The following EFCAB8 variants were observed in gnomAD, a reference collection of about 807,000 sequenced individuals.
The protein encoded by EFCAB8 is EF-hand calcium binding domain 8.
A neutral mutation model predicts 116.3 loss-of-function variants in EFCAB8; 100 were observed. That is an observed-to-expected ratio of 0.86 (90% CI 0.73 to 1.02). The LOEUF is 1.02. EFCAB8 is among the 50% of genes least tolerant of loss of function. The pLI is 0.00. For missense variants in EFCAB8, 1,320 were observed against 1,416.9 expected (o/e 0.93, Z 1.10); for synonymous variants, 558 against 567.9 (o/e 0.98, Z 0.25).
rs1364263742 is a variant in EFCAB8 at position 32,898,646 on chromosome 20, C to T, written c.1088+23C>T. The T allele has an allele frequency of 4.2e-6, 3 of 716,936 alleles. No individual in the cohort carries two copies. In the African/African-American group the frequency reaches 5.2e-5, roughly 13 times the overall value. The allele number at this position is 716,936 out of a possible 1,614,324, so 44.4% of individuals were successfully genotyped here. ...CAGGTAAGAAGTGCTTCTCTCCTGG[C>T]TAAGGCGGTGGGGCTGGAAGGGAGG... On this transcript the variant is annotated intron_variant, in intron 11 of 26. Transcript: ENST00000400522.
At chr20:32,873,156 G>C (rs923173424) in intron 3 of EFCAB8, among the ~76,000 whole-genome samples, 5 of 152,050 alleles carry the variant, frequency 3.3e-5, no homozygotes, top group Non-Finnish European at 5.9e-5. Context: ...ACACAAAACA[G>C]TGAAAGCCAG....
At chr20:32,923,044 G>A (rs901835925) in intron 20 of EFCAB8, among the ~76,000 whole-genome samples, 2 of 152,072 alleles carry the variant, frequency 1.3e-5, no homozygotes, top group Non-Finnish European at 2.9e-5. Context: ...AATTAGCCAG[G>A]TTTGATAGTG....
intron 6 of EFCAB8, among the ~76,000 whole-genome samples, chr20:32,888,132 C>T (rs1374674285): frequency 6.6e-5 from 10 of 151,910 alleles, no homozygotes; most frequent in Admixed American, 2.6e-4. Flanking sequence ...GGTGCAATCA[C>T]GGCTCACTGC....
intron 20 of EFCAB8, among the ~76,000 whole-genome samples, chr20:32,927,430 C>T (rs930477225): frequency 1.3e-5 from 2 of 152,032 alleles, no homozygotes; most frequent in African/African-American, 4.8e-5. Context: ...CTGCAACCTC[C>T]GCCTCCCAAG....
chr20:32,887,871 A>T (rs1051136065), intron 6 of EFCAB8, among the ~76,000 whole-genome samples: 40 of 152,180 alleles, frequency 2.6e-4, no homozygotes, highest in African/African-American at 9.7e-4. Context: ...ACTTTGCAGA[A>T]CAAATTATCG....
intron 1 of EFCAB8, among the ~76,000 whole-genome samples, chr20:32,860,374 G>T (rs1445578134): frequency 6.6e-6 from 1 of 151,786 alleles, no homozygotes; most frequent in East Asian, 1.9e-4. Context: ...GTTTCCTTAT[G>T]ATTAGATTCA....
At chr20:32,884,655 G>T (rs1985517179) in intron 5 of EFCAB8, among the ~76,000 whole-genome samples, 1 of 152,202 alleles carries the variant, frequency 6.6e-6, no homozygotes, top group South Asian at 2.1e-4. Flanking sequence ...CCTGGAGGAG[G>T]GGTCACAGTG....
chr20:32,948,572 G>GAAAGAA (rs1415956055), intron 23 of EFCAB8, among the ~76,000 whole-genome samples: 2 of 139,510 alleles, frequency 1.4e-5, no homozygotes, highest in African/African-American at 5.5e-5. Flanking sequence ...AAGAAAGAAA[G>GAAAGAA]AAAGAAAGAA....
At chr20:32,862,184 G>A (rs1213966886) in intron 1 of EFCAB8, among the ~76,000 whole-genome samples, 16 of 149,944 alleles carry the variant, frequency 1.1e-4, no homozygotes, top group African/African-American at 3.9e-4. Context: ...AGGCTGGAGT[G>A]TAGTGGTATG....
At chr20:32,952,916 C>T (rs1988843701) in intron 23 of EFCAB8, among the ~76,000 whole-genome samples, 1 of 152,128 alleles carries the variant, frequency 6.6e-6, no homozygotes, top group African/African-American at 2.4e-5. Flanking sequence ...TGCCATAGAT[C>T]TCTGGAACTT....
chr20:32,888,009 C>G (rs1466027188), intron 6 of EFCAB8, among the ~76,000 whole-genome samples: 1 of 152,104 alleles, frequency 6.6e-6, no homozygotes, highest in South Asian at 2.1e-4. Flanking sequence ...CAGGCAAATG[C>G]TATGACCAGT....
chr20:32,880,252 T>G (rs967490751), intron 5 of EFCAB8, among the ~76,000 whole-genome samples: 1 of 148,768 alleles, frequency 6.7e-6, no homozygotes, highest in African/African-American at 2.5e-5. Context: ...GCGGCTTGAA[T>G]GAAAGTCACC....
At chr20:32,859,787 A>C (rs1984008671) in intron 1 of EFCAB8, among the ~76,000 whole-genome samples, 1 of 152,064 alleles carries the variant, frequency 6.6e-6, no homozygotes, top group South Asian at 2.1e-4. Context: ...GGACATTCTC[A>C]TAACCACAAT....
intron 3 of EFCAB8, among the ~76,000 whole-genome samples, chr20:32,873,426 CAG>C (rs935998849): frequency 6.6e-6 from 1 of 151,830 alleles, no homozygotes; most frequent in African/African-American, 2.4e-5. Flanking sequence ...AAGTTGTAGA[CAG>C]GGGTTATTGA....
At chr20:32,880,089 T>TA (rs1985245143) in intron 5 of EFCAB8, among the ~76,000 whole-genome samples, 2 of 152,096 alleles carry the variant, frequency 1.3e-5, no homozygotes, top group African/African-American at 4.8e-5. Context: ...GGTCCTGAGA[T>TA]ACAAGGTGTG....
In EFCAB8 at chr20:32,916,266, G is replaced by GT. The variant is rs1273362050; in HGVS notation, c.1857-1028dup. ...CTCTGGGCCTCTTATTTTTGTTTTA[G>GT]TTTTTTTAAGAGACAGGATCTTGCT... On this transcript the variant is annotated intron_variant, in intron 17 of 26. Coordinates refer to ENST00000400522, the MANE Select transcript of EFCAB8 (RefSeq NM_001143967.2). Among the ~76,000 whole-genome samples, 10 of 151,936 alleles carry GT rather than the reference G, an allele frequency of 6.6e-5. No homozygotes were observed. The East Asian group carries it at 1.6e-3, about 24-fold the overall frequency.
At chr20:32,869,753 T>C (rs1429388973) in intron 3 of EFCAB8, among the ~76,000 whole-genome samples, 2 of 152,224 alleles carry the variant, frequency 1.3e-5, no homozygotes, top group Non-Finnish European at 2.9e-5. Context: ...TTCATATGTC[T>C]TTAATCATAC....
chr20:32,931,583 C>G (rs1168637582), intron 22 of EFCAB8, among the ~76,000 whole-genome samples: 1 of 152,008 alleles, frequency 6.6e-6, no homozygotes, highest in African/African-American at 2.4e-5. Flanking sequence ...ATGGTGAAAC[C>G]CTGTCTCTAC....
intron 22 of EFCAB8, among the ~76,000 whole-genome samples, chr20:32,935,588 C>T (rs1162073743): frequency 1.3e-5 from 2 of 152,022 alleles, no homozygotes; most frequent in East Asian, 3.9e-4. Flanking sequence ...CTCACCACAA[C>T]CTCCGCCTCC....
Sources: gnomAD v4.1 joint callset for allele counts (sites outside exome capture counted in the v4.1 genomes callset) on GRCh38, gnomAD v4.1.1 for gene constraint, MANE v1.5 for transcripts, NCBI Gene and HGNC (gene_info 2026-07-23, HGNC 2026-07-21) for gene names.